Variants in RFX4 observed in about 807,000 individuals in gnomAD.
RFX4 encodes the protein regulatory factor X4, also known as transcription factor RFX4.
In RFX4, 10 loss-of-function variants were observed where a neutral mutation model predicts 95.0. The observed-to-expected ratio is 0.11, with a 90% confidence interval of 0.06 to 0.18. The LOEUF is 0.18. Ranked by LOEUF, RFX4 falls within the 10% of genes least tolerant of loss-of-function variation. The pLI is 1.00. For missense variants in RFX4, 640 were observed against 922.0 expected, an observed-to-expected ratio of 0.69 and a Z score of 3.96; for synonymous variants, 321 against 340.7, an observed-to-expected ratio of 0.94 and a Z score of 0.64.
intron 3 of RFX4, among the ~76,000 whole-genome samples, chr12:106,649,446 C>A (rs185376385): frequency 6.6e-6 from 1 of 152,134 alleles, no homozygotes; most frequent in Non-Finnish European, 1.5e-5. Flanking sequence ...TCAGAAGCTC[C>A]GGAAAGAGGA....
In RFX4 at chr12:106,715,523, C is replaced by T. The variant is rs768276598; in HGVS notation, c.1117C>T (p.His373Tyr). The change falls in exon 11 of 18, where the codon CAC becomes TAC. Residue 373 changes from histidine to tyrosine, a missense_variant. His to Tyr is a moderately conservative substitution (Grantham distance 83). Transcript: ENST00000392842. ...CACCATGGAAGACTCTCGCGATGAG[C>T]ACCGGAAACTCATCACCCAATGTAA... ...LYTMEDSRDE[H>Y]RKLITQLYQE... 8.7e-6 allele frequency: 14 copies of T among 1,614,058 alleles called. No homozygotes were observed. Among genetic ancestry groups the T allele is most frequent in the Non-Finnish European group, 1.2e-5 (14 of 1,180,026 alleles).
At chr12:106,585,951 G>T (rs1002618313) in intron 1 of RFX4, 7 of 152,262 alleles carry the variant, frequency 4.6e-5, no homozygotes, top group Admixed American at 6.5e-5. Flanking sequence ...GCGGAAACGC[G>T]CCCCTTTGTT....
chr12:106,761,448 C>A lies in RFX4; in HGVS notation c.2187C>A (p.Ala729=). The part of the protein sequence containing the change: ...FPGFAYINGE[A]STGWAK The stretch of plus-strand genomic sequence containing the variant: ...GCTTTGCTTACATCAACGGAGAGGC[C>A]TCTACAGGATGGGCTAAATGACTGC... The change falls in exon 18 of 18, where the codon GCC becomes GCA. Residue 729 remains alanine, a synonymous_variant. Coordinates refer to ENST00000392842, the MANE Select transcript of RFX4 (RefSeq NM_213594.3). The A allele has an allele frequency of 1.2e-6, 2 of 1,613,860 alleles. No homozygotes were observed. Among genetic ancestry groups the A allele is most frequent in the Non-Finnish European group, 1.7e-6 (2 of 1,179,910 alleles).
Position 106,658,964 on chromosome 12 carries a change from C to T in RFX4, c.315+4613C>T, listed in dbSNP as rs78341103. Among the ~76,000 whole-genome samples, 297 of 152,294 alleles carry T rather than the reference C, an allele frequency of 2.0e-3. 4 individuals are homozygous for T. The highest frequency in any genetic ancestry group is 6.8e-3 in the African/African-American group (282 of 41,568). On this transcript the variant is annotated intron_variant, in intron 4 of 17. Transcript: ENST00000392842. ...CCCAGAGGAGCCCCAAAAAGCAGAA[C>T]TGGCAGATAGGACAGGCTGAACTCA...
intron 17 of RFX4, among the ~76,000 whole-genome samples, chr12:106,758,160 G>C (rs566783030): frequency 2.5e-3 from 381 of 152,292 alleles, no homozygotes; most frequent in Non-Finnish European, 3.5e-3. Flanking sequence ...GTATGAAACC[G>C]GATGTAAAGT....
At chr12:106,750,870 T>C in intron 17 of RFX4, 77 bp downstream of exon 17, 1 of 1,324,850 alleles carries the variant, frequency 7.5e-7, no homozygotes. Flanking sequence ...GTTCATAAAC[T>C]GTTATGCATA....
At chr12:106,641,798 A>C (rs1399359303) in intron 3 of RFX4, among the ~76,000 whole-genome samples, 1 of 152,176 alleles carries the variant, frequency 6.6e-6, no homozygotes, top group African/African-American at 2.4e-5. Flanking sequence ...ATAGAATTTC[A>C]GTCATTAACT....
At chr12:106,743,589 C>T (rs2042843268) in intron 15 of RFX4, among the ~76,000 whole-genome samples, 1 of 152,160 alleles carries the variant, frequency 6.6e-6, no homozygotes, top group South Asian at 2.1e-4. Context: ...GCATTTACTC[C>T]TTCAACAACA....
At chr12:106,717,984 C>T (rs1292532092) in intron 11 of RFX4, among the ~76,000 whole-genome samples, 1 of 152,226 alleles carries the variant, frequency 6.6e-6, no homozygotes, top group Admixed American at 6.5e-5. Flanking sequence ...TTACCATCAC[C>T]TCTGTGATAT....
chr12:106,751,672 T>G (rs2043008714), intron 17 of RFX4, among the ~76,000 whole-genome samples: 2 of 151,052 alleles, frequency 1.3e-5, no homozygotes, highest in Admixed American at 1.3e-4. Context: ...TTGATTTGCA[T>G]TTCTCTGATG....
At chr12:106,698,121 C>A (rs1372654294) in intron 8 of RFX4, among the ~76,000 whole-genome samples, 1 of 151,760 alleles carries the variant, frequency 6.6e-6, no homozygotes, top group East Asian at 1.9e-4. Context: ...TACAGGTGTG[C>A]ACCACCATGC....
intron 8 of RFX4, among the ~76,000 whole-genome samples, chr12:106,699,222 A>C (rs1345541959): frequency 4.3e-4 from 66 of 152,244 alleles, no homozygotes; most frequent in Non-Finnish European, 8.8e-5. Flanking sequence ...TTTTCAAGAT[A>C]TCTTTCTATT....
In RFX4 at chr12:106,591,968, G is replaced by A. The variant is rs114606703; in HGVS notation, c.43+8605G>A. Among the ~76,000 whole-genome samples, 598 of 152,284 alleles carry A rather than the reference G, an allele frequency of 3.9e-3. 3 individuals carry two copies. Among genetic ancestry groups the A allele is most frequent in the African/African-American group, 0.013 (545 of 41,552 alleles). On this transcript the variant is annotated intron_variant, in intron 1 of 17. Transcript: ENST00000392842. ...TTACATTCTTGCTGTGTGACCCAGA[G>A]CAAATTATCTTACTTCTCTAAGCCT... is the stretch of plus-strand genomic sequence containing the variant.
intron 3 of RFX4, among the ~76,000 whole-genome samples, chr12:106,640,156 A>G (rs189324690): frequency 3.4e-4 from 52 of 152,336 alleles, no homozygotes; most frequent in Non-Finnish European, 6.5e-4. Flanking sequence ...CATTCTCACA[A>G]TTCTGTGGAG....
intron 2 of RFX4, among the ~76,000 whole-genome samples, chr12:106,617,916 G>A (rs902973341): frequency 3.9e-5 from 6 of 152,056 alleles, no homozygotes; most frequent in South Asian, 2.1e-4. Context: ...TAGTAGAGAT[G>A]AGGTTTCACC....
intron 5 of RFX4, among the ~76,000 whole-genome samples, chr12:106,685,978 T>A (rs1275569205): frequency 6.6e-6 from 1 of 152,262 alleles, no homozygotes; most frequent in Non-Finnish European, 1.5e-5. Flanking sequence ...TTAGTCTTAA[T>A]TGAAAACATT....
At position 106,586,719 on chromosome 12, in the gene RFX4, ATTCT is replaced by A. The variant is rs1433383452; in HGVS notation, c.43+3361_43+3364del. ...TTTACAGGCCCCCAGCTCAGCACAA[ATTCT>A]TTCTAAAATTCTACCACCAAATTAA... is the stretch of plus-strand genomic sequence containing the variant. On this transcript the variant is annotated intron_variant, in intron 1 of 17. Transcript: ENST00000392842. The surrounding 1 kb of genome is among the most constrained non-coding windows in gnomAD (Gnocchi z 5.6). 2.6e-5 allele frequency among the ~76,000 whole-genome samples: 4 copies of A among 152,118 alleles called. No homozygotes were observed. Among genetic ancestry groups the A allele is most frequent in the African/African-American group, 9.7e-5 (4 of 41,436 alleles).
intron 8 of RFX4, among the ~76,000 whole-genome samples, chr12:106,698,262 C>A (rs909030953): frequency 6.6e-6 from 1 of 151,746 alleles, no homozygotes; most frequent in Non-Finnish European, 1.5e-5. Context: ...ACGTGAGCCC[C>A]CTACACCTGG....
At chr12:106,599,921 G>T (rs1416765737) in intron 1 of RFX4, among the ~76,000 whole-genome samples, 1 of 151,950 alleles carries the variant, frequency 6.6e-6, no homozygotes, top group Non-Finnish European at 1.5e-5. Flanking sequence ...CTTACTCCGT[G>T]GCCTCCTCTT....
Sources: allele counts gnomAD v4.1 joint callset (sites outside exome capture counted in the v4.1 genomes callset), GRCh38; gene constraint gnomAD v4.1.1; non-coding constraint Gnocchi (gnomAD v3.1); transcripts MANE v1.5; gene names NCBI Gene and HGNC (gene_info 2026-07-23, HGNC 2026-07-21).